Variants in ATAD2B observed in about 807,000 individuals in gnomAD.
The protein encoded by ATAD2B is ATPase family AAA domain-containing protein 2B.
ATAD2B carries 40 observed loss-of-function variants against 167.6 expected under a neutral mutation model. That is an observed-to-expected ratio of 0.24 (90% CI 0.19 to 0.31). The LOEUF is 0.31. Ranked by LOEUF, ATAD2B falls within the 10% of genes least tolerant of loss-of-function variation. The pLI is 1.00. For missense variants in ATAD2B, 1,242 were observed against 1,757.2 expected (o/e 0.71, Z 5.24); for synonymous variants, 579 against 596.5 (o/e 0.97, Z 0.43).
chr2:23,909,680 G>A (rs1045739452), intron 1 of ATAD2B, among the ~76,000 whole-genome samples: 7 of 151,834 alleles, frequency 4.6e-5, no homozygotes, highest in African/African-American at 1.7e-4. Context: ...TAGGGGAGCA[G>A]GGAAAAAGGC....
At chr2:23,684,957 G>T in the ATAD2B span, among the ~76,000 whole-genome samples, 1 of 152,198 alleles carries the variant, frequency 6.6e-6, no homozygotes. This position sits in a 1 kb window ranked among gnomAD's most constrained non-coding sequence, Gnocchi z 4.4. Context: ...CCCTGCTGTC[G>T]GTGGTGACTA....
intron 17 of ATAD2B, among the ~76,000 whole-genome samples, chr2:23,813,347 T>G (rs1468299355): frequency 6.8e-6 from 1 of 147,882 alleles, no homozygotes; most frequent in Non-Finnish European, 1.5e-5. Context: ...ATAATATGAA[T>G]TATAATATAT....
chr2:23,794,648 A>C (rs1450174336), intron 19 of ATAD2B, among the ~76,000 whole-genome samples: 3 of 152,118 alleles, frequency 2.0e-5, no homozygotes, highest in African/African-American at 7.2e-5. Context: ...TATTTTGCTA[A>C]TATACTACTT....
At chr2:23,881,983 A>C (rs1327733058) in intron 6 of ATAD2B, among the ~76,000 whole-genome samples, 2 of 152,204 alleles carry the variant, frequency 1.3e-5, no homozygotes, top group Non-Finnish European at 2.9e-5. Context: ...TAGGCCTCCC[A>C]AAGTGCTGGG....
chr2:23,888,347 C>A lies in ATAD2B; in HGVS notation c.418+3G>T. The A allele has an allele frequency of 6.3e-7, 1 of 1,579,434 alleles. No homozygotes were observed. Among genetic ancestry groups the A allele is most frequent in the Non-Finnish European group, 8.6e-7 (1 of 1,161,010 alleles). On this transcript the variant is annotated splice_donor_region_variant and intron_variant, in intron 3 of 27. Coordinates refer to ENST00000238789, the MANE Select transcript of ATAD2B (RefSeq NM_017552.4). The stretch of plus-strand genomic sequence containing the variant: ...CTAACCAGTTTTATAATAGAATACT[C>A]ACATAAGCCACTATGTCCATTTGGT...
At chr2:23,761,033 ACTT>A (rs1232732083) in intron 24 of ATAD2B, among the ~76,000 whole-genome samples, 1 of 152,220 alleles carries the variant, frequency 6.6e-6, no homozygotes, top group Admixed American at 6.5e-5. Context: ...GGCACTTAAA[ACTT>A]CTTCAAGTGA....
chr2:23,883,233 T>C (rs1379805209), intron 6 of ATAD2B, among the ~76,000 whole-genome samples: 4 of 147,172 alleles, frequency 2.7e-5, no homozygotes, highest in African/African-American at 1.0e-4. Flanking sequence ...TGAACTGTGA[T>C]TGTGACAATG....
At chr2:23,918,768 A>G (rs978658985) in intron 1 of ATAD2B, among the ~76,000 whole-genome samples, 1 of 152,236 alleles carries the variant, frequency 6.6e-6, no homozygotes, top group Admixed American at 6.5e-5. Context: ...AAGAGTAATG[A>G]TAAGTGAGGT....
In ATAD2B at chr2:23,839,009, C is replaced by T. The variant is rs111674421; in HGVS notation, c.1569-4931G>A. 6.8e-3 allele frequency among the ~76,000 whole-genome samples: 1,029 copies of T among 152,242 alleles called. 15 individuals carry two copies. The highest frequency in any genetic ancestry group is 0.022 in the African/African-American group (921 of 41,566). ...TCTGCATAAATGTAACATGAGACTT[C>T]TTAGACTTACTCATAGAAACTTTTT... On this transcript the variant is annotated intron_variant, in intron 13 of 27. Transcript: ENST00000238789.
chr2:23,772,222 G>A (rs544563913), intron 22 of ATAD2B, among the ~76,000 whole-genome samples: 55 of 152,016 alleles, frequency 3.6e-4, no homozygotes, highest in Non-Finnish European at 7.2e-4. Context: ...GAAGTCTCCT[G>A]GTGTCTTTTA....
chr2:23,691,829 G>A, the ATAD2B span: 1 of 1,551,424 alleles, frequency 6.4e-7, no homozygotes, highest in African/African-American at 1.4e-5. Flanking sequence ...GAGGCGGCCA[G>A]CAAGTTCCAG....
chr2:23,752,861 C>T (rs989139629), intron 27 of ATAD2B, among the ~76,000 whole-genome samples: 29 of 152,176 alleles, frequency 1.9e-4, no homozygotes, highest in Middle Eastern at 6.8e-3. Flanking sequence ...CCATGAAAGC[C>T]ACTCACTGCT....
At chr2:23,820,033 T>A (rs1687213078) in intron 16 of ATAD2B, among the ~76,000 whole-genome samples, 151 bp from the exon 17 acceptor site, 1 of 152,140 alleles carries the variant, frequency 6.6e-6, no homozygotes, top group African/African-American at 2.4e-5. Context: ...CTGCAGCTTT[T>A]AAAATAACTT....
rs776178877 is a variant in ATAD2B, at chr2:23,751,377, T to C, written c.*669A>G. On this transcript the variant is annotated 3_prime_UTR_variant, in exon 28 of 28. Transcript: ENST00000238789. ...GGTTGTCTCTTAATGACATAGAGTA[T>C]CAAAACTTATTTTCAAGGTTGTGAC... 1 of 152,092 alleles carries C rather than the reference T, an allele frequency of 6.6e-6. No homozygotes were observed. The highest frequency in any genetic ancestry group is 1.5e-5 in the Non-Finnish European group (1 of 68,018). 9.4% of individuals were successfully genotyped at this position (152,092 alleles called of 1,614,324 possible).
In ATAD2B at chr2:23,878,762, A is replaced by C. The variant is rs116792492; in HGVS notation, c.901+1877T>G. ...AGCAACAGACTGTCTTGTCTTAAAA[A>C]TATTTGCAAATGACATATCTGTTAA... is the stretch of plus-strand genomic sequence containing the variant. On this transcript the variant is annotated intron_variant, in intron 7 of 27. Coordinates refer to ENST00000238789, the MANE Select transcript of ATAD2B (RefSeq NM_017552.4). 9.5e-3 allele frequency among the ~76,000 whole-genome samples: 1,447 copies of C among 152,304 alleles called. 14 individuals carry two copies. The highest frequency in any genetic ancestry group is 0.014 in the Non-Finnish European group (969 of 68,022).
chr2:23,737,788 T>TAAA, the ATAD2B span, among the ~76,000 whole-genome samples: 1 of 152,060 alleles, frequency 6.6e-6, no homozygotes, highest in Non-Finnish European at 1.5e-5. Flanking sequence ...GCAAAGAAGT[T>TAAA]AAAAGGCTTT....
At chr2:23,691,633 C>T in the ATAD2B span, 120 of 1,528,348 alleles carry the variant, frequency 7.9e-5, no homozygotes, top group Admixed American at 6.9e-4. Context: ...GCACGGTGGC[C>T]GCAGGGCAGG....
At chr2:23,851,659 A>G (rs1303131573) in intron 13 of ATAD2B, among the ~76,000 whole-genome samples, 1 of 152,192 alleles carries the variant, frequency 6.6e-6, no homozygotes, top group Non-Finnish European at 1.5e-5. Context: ...GCTTGATGAT[A>G]TACATTCTAT....
chr2:23,834,148 C>CTTTTT (rs1572960079), intron 13 of ATAD2B, 70 bp from the exon 14 acceptor site: 6 of 114,282 alleles, frequency 5.3e-5, no homozygotes, highest in South Asian at 2.8e-4. Context: ...GTTTATCAGT[C>CTTTTT]TTTCTTTTTT....
Sources: gnomAD v4.1 joint callset for allele counts (sites outside exome capture counted in the v4.1 genomes callset) on GRCh38, gnomAD v4.1.1 for gene constraint, Gnocchi (gnomAD v3.1) non-coding constraint, MANE v1.5 for transcripts, NCBI Gene and HGNC (gene_info 2026-07-23, HGNC 2026-07-21) for gene names.